Variants in ARMC9 observed in about 807,000 individuals in gnomAD.
ARMC9 encodes lisH domain-containing protein ARMC9.
In ARMC9, 94 loss-of-function variants were observed where a neutral mutation model predicts 107.0. That is an observed-to-expected ratio of 0.88 (90% confidence interval 0.74 to 1.04). The LOEUF (loss-of-function observed/expected upper bound fraction) is 1.04. Among genes scored for constraint, ARMC9 ranks in the 50% least tolerant of loss-of-function variants. The pLI, the probability that ARMC9 is intolerant of heterozygous loss-of-function variation, is 0.00. For synonymous variants in ARMC9, 380 were observed against 396.9 expected (o/e 0.96, Z 0.51); for missense variants, 942 against 1,030.1 (o/e 0.91, Z 1.17).
rs773459313 is a variant in ARMC9, at chr2:231,216,774, C to T, written c.485C>T (p.Ser162Leu). 2 of 1,612,716 alleles carry T rather than the reference C, an allele frequency of 1.2e-6. No individual in the cohort carries two copies. The highest frequency in any genetic ancestry group is 1.7e-5 in the Admixed American group (1 of 59,648). ...PFVPNPMVHP[S>L]FKELFQDSWT... ...GTTCCCAACCCTATGGTGCACCCCTCATTTAAAGAACTCTTCCAGGTAAAT... is the reference window on the plus strand; with the variant it reads ...GTTCCCAACCCTATGGTGCACCCCTTATTTAAAGAACTCTTCCAGGTAAAT... The change falls in exon 5 of 25, where the codon TCA becomes TTA. Residue 162 changes from serine to leucine, a missense_variant. By Grantham distance (145) the Ser-to-Leu change is moderately radical. Transcript: ENST00000611582.
intron 20 of ARMC9, among the ~76,000 whole-genome samples, chr2:231,332,102 G>A (rs976747494): frequency 2.6e-5 from 4 of 152,196 alleles, no homozygotes; most frequent in Non-Finnish European, 5.9e-5. Flanking sequence ...ACAGGTGTAC[G>A]GATTGGGGAA....
chr2:231,314,210 G>A (rs1438896209), intron 19 of ARMC9, among the ~76,000 whole-genome samples: 1 of 151,854 alleles, frequency 6.6e-6, no homozygotes, highest in Non-Finnish European at 1.5e-5. Flanking sequence ...CTCCCAAGTA[G>A]CTGGGATTAC....
rs1414942795 is a variant in ARMC9, at chr2:231,360,612, C to G, written c.2132-142C>G. The G allele has an allele frequency of 1.5e-6, 2 of 1,343,666 alleles. No individual in the cohort carries two copies. Among genetic ancestry groups the G allele is most frequent in the Non-Finnish European group, 2.0e-6 (2 of 980,454 alleles). The allele number at this position is 1,343,666 out of a possible 1,614,324, so 83.2% of individuals were successfully genotyped here. A position where few individuals can be genotyped will look rare whatever the true frequency, so the allele number is the denominator to read the frequency against. On this transcript the variant is annotated intron_variant, in intron 22 of 24. Coordinates refer to ENST00000611582, the MANE Select transcript of ARMC9 (RefSeq NM_001352754.2). This position sits in a 1 kb window ranked among gnomAD's most constrained non-coding sequence, Gnocchi z 4.7. Reference sequence around the variant, plus strand: ...CCGGGCTGCACGAGTAAACAAGTATCCCAAGCCACAGGCGCCAGGGAGCCC... The same window carrying G: ...CCGGGCTGCACGAGTAAACAAGTATGCCAAGCCACAGGCGCCAGGGAGCCC...
chr2:231,279,511 C>CT (rs57779512), intron 16 of ARMC9, among the ~76,000 whole-genome samples: 12,108 of 124,728 alleles, frequency 0.097, 796 homozygotes, highest in East Asian at 0.24. Flanking sequence ...TTTCTTTTTT[C>CT]TTTTTTTTTT....
intron 19 of ARMC9, among the ~76,000 whole-genome samples, chr2:231,327,760 T>C (rs1188746524): frequency 1.3e-5 from 2 of 152,218 alleles, no homozygotes; most frequent in Admixed American, 6.5e-5. Context: ...GAAATGTAGT[T>C]GCATGTTTAG....
At chr2:231,368,518 C>T (rs1310318682) in intron 23 of ARMC9, among the ~76,000 whole-genome samples, 1 of 152,102 alleles carries the variant, frequency 6.6e-6, no homozygotes, top group South Asian at 2.1e-4. Context: ...CTCATAAAAG[C>T]AGAGTGGTAA....
At chr2:231,345,664 G>A (rs1250131278) in intron 21 of ARMC9, among the ~76,000 whole-genome samples, 6 of 152,186 alleles carry the variant, frequency 3.9e-5, no homozygotes, top group Admixed American at 3.9e-4. Flanking sequence ...AGATCAGACA[G>A]TCCAGTGGGC....
chr2:231,282,213 T>G, intron 17 of ARMC9, 80 bp downstream of exon 17: 2 of 1,422,340 alleles, frequency 1.4e-6, no homozygotes, highest in South Asian at 1.2e-5. Context: ...CCTCCTTGAT[T>G]GGGCTCCATA....
Position 231,374,449 on chromosome 2 carries a change from G to A in ARMC9, c.*2914G>A, listed in dbSNP as rs893811413. ...AGCTTAAATTAGGACCTGTGGTGGGGACTTTAATAGGCAGGTGGAGGTTTG... is the reference window on the plus strand; with the variant it reads ...AGCTTAAATTAGGACCTGTGGTGGGAACTTTAATAGGCAGGTGGAGGTTTG... On this transcript the variant is annotated 3_prime_UTR_variant, in exon 25 of 25. Transcript: ENST00000611582. The A allele has an allele frequency of 6.6e-6, 1 of 152,006 alleles. No individual in the cohort carries two copies. The highest frequency in any genetic ancestry group is 2.4e-5 in the African/African-American group (1 of 41,358). The allele number at this position is 152,006 out of a possible 1,614,324, so 9.4% of individuals were successfully genotyped here.
chr2:231,359,945 C>A (rs2045499994), intron 22 of ARMC9, among the ~76,000 whole-genome samples: 1 of 152,160 alleles, frequency 6.6e-6, no homozygotes, highest in African/African-American at 2.4e-5. Flanking sequence ...CACAGAGGAG[C>A]TGCTAAAATG....
chr2:231,318,930 G>T (rs1012250599), intron 19 of ARMC9, among the ~76,000 whole-genome samples: 7 of 152,156 alleles, frequency 4.6e-5, no homozygotes, highest in African/African-American at 1.4e-4. Flanking sequence ...AGAGATGATA[G>T]CCAGGTGACC....
intron 19 of ARMC9, among the ~76,000 whole-genome samples, chr2:231,302,048 C>T (rs925088196): frequency 6.6e-6 from 1 of 151,918 alleles, no homozygotes; most frequent in Non-Finnish European, 1.5e-5. Context: ...AAGGTCTTCC[C>T]TAACCCTAAA....
At chr2:231,223,345 G>A (rs146390488) in intron 6 of ARMC9, among the ~76,000 whole-genome samples, 201 of 152,292 alleles carry the variant, frequency 1.3e-3, no homozygotes, top group African/African-American at 4.4e-3. Context: ...TTCAAACTGG[G>A]ACACTTTTGA....
At position 231,288,598 on chromosome 2, in the gene ARMC9, A is replaced by G. The variant is rs564332590; in HGVS notation, c.1627-2755A>G. The G allele has an allele frequency of 2.3e-4, 110 of 471,008 alleles. 1 individual carries two copies. Among genetic ancestry groups the G allele is most frequent in the South Asian group, 1.5e-3 (96 of 64,566 alleles). The allele number at this position is 471,008 out of a possible 1,614,324, so 29.2% of individuals were successfully genotyped here. A position where few individuals can be genotyped will look rare whatever the true frequency, so the allele number is the denominator to read the frequency against. On this transcript the variant is annotated intron_variant, in intron 17 of 24. Transcript: ENST00000611582. ...GAGTTCGAAGTTAGTTGTTCTGTGT[A>G]GTGTTCAGTGCGTGTTGTCAGGCTC...
chr2:231,279,511 C>CTTTTTTTTTTTTTTTTT (rs57779512), intron 16 of ARMC9, among the ~76,000 whole-genome samples: 8 of 124,804 alleles, frequency 6.4e-5, no homozygotes, highest in Admixed American at 8.2e-5. Context: ...TTTCTTTTTT[C>CTTTTTTTTTTTTTTTTT]TTTTTTTTTT....
At chr2:231,347,679 C>A (rs2044870631) in intron 21 of ARMC9, among the ~76,000 whole-genome samples, 1 of 152,212 alleles carries the variant, frequency 6.6e-6, no homozygotes, top group Non-Finnish European at 1.5e-5. Flanking sequence ...CTCATTATTT[C>A]TCCACTGATT....
intron 8 of ARMC9, among the ~76,000 whole-genome samples, chr2:231,237,175 C>CGTGTGTGTGTGTGTGTGTGTGT (rs58607252): frequency 6.7e-6 from 1 of 148,698 alleles, no homozygotes; most frequent in African/African-American, 2.5e-5. Flanking sequence ...TCTGCGTATG[C>CGTGTGTGTGTGTGTGTGTGTGT]GTGTGTGTGT....
chr2:231,338,164 A>G (rs140042041), intron 20 of ARMC9, among the ~76,000 whole-genome samples: 42 of 152,186 alleles, frequency 2.8e-4, no homozygotes, highest in African/African-American at 9.9e-4. Context: ...AAAATTAGGT[A>G]TCAAAGCGAG....
chr2:231,291,644 T>A (rs1574971308), intron 18 of ARMC9, among the ~76,000 whole-genome samples: 2 of 150,962 alleles, frequency 1.3e-5, no homozygotes, highest in Admixed American at 6.6e-5. Flanking sequence ...GGTGAAACGC[T>A]GTCTCTACTA....
Sources: allele counts gnomAD v4.1 joint callset (sites outside exome capture counted in the v4.1 genomes callset), GRCh38; gene constraint gnomAD v4.1.1; non-coding constraint Gnocchi (gnomAD v3.1); transcripts MANE v1.5; gene names NCBI Gene and HGNC (gene_info 2026-07-23, HGNC 2026-07-21).